The following WFDC3 variants were observed in gnomAD, a reference collection of about 807,000 sequenced individuals.
The protein encoded by WFDC3 is WAP four-disulfide core domain protein 3.
A neutral mutation model predicts 25.8 loss-of-function variants in WFDC3; 15 were observed. That is an observed-to-expected ratio of 0.58 (90% confidence interval 0.39 to 0.89). WFDC3 has a LOEUF of 0.89. Ranked by LOEUF, WFDC3 falls within the 40% of genes least tolerant of loss-of-function variation. The pLI is 0.00. For missense variants in WFDC3, 264 were observed against 289.8 expected, an observed-to-expected ratio of 0.91 and a Z score of 0.65; for synonymous variants, 103 against 107.1, an observed-to-expected ratio of 0.96 and a Z score of 0.24.
intron 4 of WFDC3, among the ~76,000 whole-genome samples, chr20:45,781,198 G>A (rs1395062181): frequency 1.3e-5 from 2 of 151,310 alleles, no homozygotes; most frequent in Admixed American, 6.6e-5. Flanking sequence ...GCAGTGAGCC[G>A]AGATCACACC....
At chr20:45,778,273 C>T (rs2145682801) in intron 4 of WFDC3, among the ~76,000 whole-genome samples, 1 of 152,330 alleles carries the variant, frequency 6.6e-6, no homozygotes, top group East Asian at 1.9e-4. Context: ...CCCTGCTAAG[C>T]TCCCAGATGA....
rs778232640 is a variant in WFDC3, at chr20:45,775,565, C to G, written c.531G>C (p.Leu177=). ...CATCCATCACACAGCCAACAATGCA[C>G]AGGCCCACCAGAACTTTTGGACAAT... ...GGDCPKVLVG[L]CIVGCVMDEN... The change falls in exon 6 of 7, where the codon CTG becomes CTC. Residue 177 remains leucine (L), a synonymous_variant. Transcript: ENST00000243938. The G allele has an allele frequency of 6.2e-7, 1 of 1,614,218 alleles. No homozygotes were observed. Among genetic ancestry groups the G allele is most frequent in the Non-Finnish European group, 8.5e-7 (1 of 1,180,044 alleles).
At chr20:45,782,932 TG>T (rs1980513335) in intron 4 of WFDC3, among the ~76,000 whole-genome samples, 1 of 152,216 alleles carries the variant, frequency 6.6e-6, no homozygotes, top group African/African-American at 2.4e-5. Flanking sequence ...CCCGAAAGTC[TG>T]GGCCCTGCCT....
rs1601009241 is a variant in WFDC3, at chr20:45,775,502, G to A, written c.594C>T (p.Gly198=). ...CTGGTGGGACACAGAAGCGGCCACA[G>A]CCTGACTTGCAACATTTTTCTCCAG... ...CQAGEKCCKS[G]CGRFCVPPVL... is the part of the protein sequence containing the mutation. Residue 198 remains glycine, a synonymous_variant, in exon 6 of 7, where the codon GGC becomes GGT. Transcript: ENST00000243938. The A allele has an allele frequency of 5.0e-6, 8 of 1,614,220 alleles. No homozygotes were observed. The South Asian group carries it at 5.5e-5, about 11-fold the overall frequency.
chr20:45,776,650 A>ATG (rs1356264077), intron 5 of WFDC3, among the ~76,000 whole-genome samples: 2 of 108,608 alleles, frequency 1.8e-5, no homozygotes, highest in African/African-American at 3.6e-5. Context: ...ATATATATAT[A>ATG]TATATATATA....
At position 45,790,527 on chromosome 20, in the gene WFDC3, C is replaced by T. The variant is rs934002179; in HGVS notation, c.-7-545G>A. On this transcript the variant is annotated intron_variant, in intron 1 of 6. Transcript: ENST00000243938. The stretch of plus-strand genomic sequence containing the variant: ...ATCACCTGAGGTCAGGAGTTTGAGA[C>T]CAGCCTGGCCAACATGGCGAAACCC... 3.3e-5 allele frequency among the ~76,000 whole-genome samples: 5 copies of T among 152,186 alleles called. No homozygotes were observed. The Middle Eastern group carries it at 0.013, about 385-fold the overall frequency.
intron 3 of WFDC3, chr20:45,788,646 T>C (rs1001085497): frequency 6.7e-5 from 20 of 299,496 alleles, no homozygotes; most frequent in Non-Finnish European, 1.1e-4. Context: ...ATCATTATCT[T>C]ACACAGCCTT....
In WFDC3 at chr20:45,787,874, T is replaced by C. The variant is rs1980757594; in HGVS notation, c.320A>G (p.Asn107Ser). ...AGAGATTGGGACTACACAGCTCTTG[T>C]TGCAGCCAAGCGTGCAGCATTTCTT... ...GVKKCCTLGC[N>S]KSCVVPISKQ... Residue 107 changes from asparagine to serine, a missense_variant, in exon 4 of 7, where the codon AAC becomes AGC. Transcript: ENST00000243938. The C allele has an allele frequency of 3.7e-6, 6 of 1,613,968 alleles. No homozygotes were observed. In the East Asian group the frequency reaches 1.3e-4, roughly 36 times the overall value.
Position 45,774,244 on chromosome 20 carries a change from A to G in WFDC3, c.*184T>C. On this transcript the variant is annotated 3_prime_UTR_variant, in exon 7 of 7. Transcript: ENST00000243938. Reference sequence around the variant, plus strand: ...CCAGCCTTTATCGGGAAAGAGAAGCACCACACACCCACTACCCAATCCAGG... The same window carrying G: ...CCAGCCTTTATCGGGAAAGAGAAGCGCCACACACCCACTACCCAATCCAGG... The G allele has an allele frequency of 1.3e-6, 1 of 742,488 alleles. No individual in the cohort carries two copies. Among genetic ancestry groups the G allele is most frequent in the Non-Finnish European group, 2.3e-6 (1 of 443,232 alleles). 46.0% of individuals were successfully genotyped at this position (742,488 alleles called of 1,614,324 possible).
At chr20:45,784,087 C>G (rs1311856015) in intron 4 of WFDC3, among the ~76,000 whole-genome samples, 1 of 152,188 alleles carries the variant, frequency 6.6e-6, no homozygotes, top group Admixed American at 6.5e-5. Context: ...TGGGTGCCAG[C>G]CTCGCCCTTA....
intron 2 of WFDC3, among the ~76,000 whole-genome samples, 184 bp downstream of exon 2, chr20:45,789,710 G>A (rs1980859357): frequency 6.6e-6 from 1 of 151,936 alleles, no homozygotes; most frequent in African/African-American, 2.4e-5. Flanking sequence ...GTCCAGAGAG[G>A]GTAAAGAAAG....
In WFDC3 at chr20:45,776,617, AAAAAGAAAAAAAAAAAAAAT is replaced by A. The variant is rs1568697357; in HGVS notation, c.493+438_493+457del. The stretch of plus-strand genomic sequence containing the variant: ...TGTCTCAAAAAAAAAAAAAAAGAAA[AAAAAGAAAAAAAAAAAAAAT>A]ATATATATATATATATATATATATG... On this transcript the variant is annotated intron_variant, in intron 5 of 6. Coordinates refer to ENST00000243938, the MANE Select transcript of WFDC3 (RefSeq NM_080614.2). Among the ~76,000 whole-genome samples the A allele has an allele frequency of 5.0e-3, 363 of 72,680 alleles. 3 individuals are homozygous for A. Among genetic ancestry groups the A allele is most frequent in the South Asian group, 0.015 (27 of 1,832 alleles). 47.7% of individuals were successfully genotyped at this position (72,680 alleles called of 152,430 possible).
chr20:45,779,636 A>G (rs1001827627), intron 4 of WFDC3, among the ~76,000 whole-genome samples: 2 of 152,122 alleles, frequency 1.3e-5, no homozygotes, highest in African/African-American at 4.8e-5. Flanking sequence ...TCTATCTCAC[A>G]GCTGAGAAGG....
intron 3 of WFDC3, chr20:45,788,652 G>A: frequency 3.2e-6 from 1 of 316,350 alleles, no homozygotes; most frequent in Non-Finnish European, 5.8e-6. Flanking sequence ...ATCTTACACA[G>A]CCTTCCCTTT....
rs1030155778 is a variant in WFDC3 at position 45,789,993 on chromosome 20, G to A, written c.-7-11C>T. The A allele has an allele frequency of 1.2e-6, 2 of 1,611,668 alleles. No homozygotes were observed. The highest frequency in any genetic ancestry group is 1.7e-6 in the Non-Finnish European group (2 of 1,177,942). ...AACATCATGATGATGCTGAGAGTTG[G>A]GACAAGAGCTCAGTTCAGGCTAGAG... On this transcript the variant is annotated splice_polypyrimidine_tract_variant and intron_variant, in intron 1 of 6. Transcript: ENST00000243938.
At chr20:45,776,656 ATATATG>A (rs1283764461) in intron 5 of WFDC3, among the ~76,000 whole-genome samples, 21 of 104,950 alleles carry the variant, frequency 2.0e-4, no homozygotes, top group African/African-American at 7.1e-4. Context: ...ATATATATAT[ATATATG>A]TGTGTGTGTG....
At chr20:45,783,341 A>G (rs541516052) in intron 4 of WFDC3, among the ~76,000 whole-genome samples, 1 of 152,088 alleles carries the variant, frequency 6.6e-6, no homozygotes, top group East Asian at 1.9e-4. Context: ...GGCCGGACAC[A>G]GTGGTTTGTG....
chr20:45,784,975 A>T (rs1186116397), intron 4 of WFDC3, among the ~76,000 whole-genome samples: 1 of 152,086 alleles, frequency 6.6e-6, no homozygotes, highest in Non-Finnish European at 1.5e-5. Flanking sequence ...GACAACCCAA[A>T]CCTAGGATTT....
chr20:45,786,834 C>G (rs1980687362), intron 4 of WFDC3, among the ~76,000 whole-genome samples: 1 of 152,054 alleles, frequency 6.6e-6, no homozygotes. Flanking sequence ...GTGGCTCACG[C>G]CTGTAATCCC....
Sources: gnomAD v4.1 joint callset for allele counts (sites outside exome capture counted in the v4.1 genomes callset) on GRCh38, gnomAD v4.1.1 for gene constraint, MANE v1.5 for transcripts, NCBI Gene and HGNC (gene_info 2026-07-23, HGNC 2026-07-21) for gene names.